Variants in RPA3 observed in about 807,000 individuals in gnomAD.
RPA3 encodes the protein replication protein A 14 kDa subunit.
A neutral mutation model predicts 13.7 loss-of-function variants in RPA3; 24 were observed. That is an observed-to-expected ratio of 1.75 (90% CI 1.27 to 2.46). The LOEUF (loss-of-function observed/expected upper bound fraction) is 2.46, where lower values mean the gene tolerates loss of function less well. Ranked by LOEUF, RPA3 falls within the 30% of genes most tolerant of loss-of-function variation. RPA3 has a pLI of 0.00. For missense variants in RPA3, 183 were observed against 151.0 expected, an observed-to-expected ratio of 1.21 and a Z score of -1.11; for synonymous variants, 59 against 51.2, an observed-to-expected ratio of 1.15 and a Z score of -0.65.
At chr7:7,693,965 G>C (rs985559084) in intron 2 of RPA3, among the ~76,000 whole-genome samples, 3 of 151,924 alleles carry the variant, frequency 2.0e-5, no homozygotes, top group Non-Finnish European at 4.4e-5. Context: ...CTCTCTTTTT[G>C]TTGCCATTAT....
Position 7,640,440 on chromosome 7 carries a change from C to T in RPA3, c.-22G>A. On this transcript the variant is annotated 5_prime_UTR_variant, in exon 5 of 8. Coordinates refer to ENST00000223129, the MANE Select transcript of RPA3 (RefSeq NM_002947.5). ...CCATGATTATGGTCCAAGACTGCGG[C>T]TGGCGGGAAACCCACGGACGACTGA... The T allele has an allele frequency of 6.2e-7, 1 of 1,611,180 alleles. No homozygotes were observed. The highest frequency in any genetic ancestry group is 8.5e-7 in the Non-Finnish European group (1 of 1,178,120).
At chr7:7,668,081 T>C (rs1381361356) in intron 4 of RPA3, among the ~76,000 whole-genome samples, 1 of 151,888 alleles carries the variant, frequency 6.6e-6, no homozygotes, top group Admixed American at 6.6e-5. Flanking sequence ...CACAGCTGGC[T>C]AATTTTTTTT....
chr7:7,678,522 ATATT>A (rs1327228941), intron 4 of RPA3, among the ~76,000 whole-genome samples: 8 of 140,732 alleles, frequency 5.7e-5, no homozygotes. Context: ...ATAGATAAAT[ATATT>A]TATATACTTA....
chr7:7,659,613 T>G (rs886702905), intron 4 of RPA3, among the ~76,000 whole-genome samples: 1 of 152,198 alleles, frequency 6.6e-6, no homozygotes, highest in Non-Finnish European at 1.5e-5. Context: ...AGTTGTGCAG[T>G]TTTGAGTGAG....
In RPA3 at chr7:7,637,981, C is replaced by A. The variant is rs371912199; in HGVS notation, c.175-9G>T. On this transcript the variant is annotated splice_polypyrimidine_tract_variant and intron_variant, in intron 6 of 7. Transcript: ENST00000223129. Reference sequence around the variant, plus strand: ...GAGATTTCTTCATCAAGCTAAGACACAGAACAAGACATCGATTTGGTGATA... The same window carrying A: ...GAGATTTCTTCATCAAGCTAAGACAAAGAACAAGACATCGATTTGGTGATA... 7.6e-5 allele frequency: 121 copies of A among 1,601,970 alleles called. 1 individual carries two copies. In the South Asian group the frequency reaches 1.1e-3, roughly 14 times the overall value.
intron 4 of RPA3, among the ~76,000 whole-genome samples, chr7:7,646,871 G>C (rs899063098): frequency 3.9e-5 from 6 of 152,160 alleles, no homozygotes; most frequent in African/African-American, 1.2e-4. Context: ...GGTTTATATG[G>C]GCACAGAATA....
At chr7:7,692,899 G>T (rs986518620) in intron 2 of RPA3, among the ~76,000 whole-genome samples, 2 of 152,160 alleles carry the variant, frequency 1.3e-5, no homozygotes, top group African/African-American at 4.8e-5. Flanking sequence ...GAGCCACCGT[G>T]CCTGGCCAAA....
chr7:7,712,870 T>G (rs1029827020), intron 2 of RPA3, among the ~76,000 whole-genome samples: 9 of 151,876 alleles, frequency 5.9e-5, no homozygotes, highest in African/African-American at 1.9e-4. Flanking sequence ...AGGCATAGAG[T>G]GTTGTTAGAA....
intron 2 of RPA3, among the ~76,000 whole-genome samples, chr7:7,709,054 A>G (rs948794311): frequency 1.3e-5 from 2 of 152,088 alleles, no homozygotes; most frequent in African/African-American, 2.4e-5. Context: ...AAAAATACCA[A>G]TTAACTACTT....
intron 2 of RPA3, among the ~76,000 whole-genome samples, chr7:7,697,500 AAT>A (rs1780349771): frequency 6.6e-6 from 1 of 152,220 alleles, no homozygotes; most frequent in Non-Finnish European, 1.5e-5. Context: ...TTCATTTTGA[AAT>A]ATGATTGTGG....
intron 1 of RPA3, among the ~76,000 whole-genome samples, 164 bp downstream of exon 1, chr7:7,718,351 G>C (rs898456383): frequency 2.6e-5 from 4 of 152,192 alleles, no homozygotes; most frequent in African/African-American, 9.7e-5. Flanking sequence ...GGCATGGGTT[G>C]TCTGTTCTTA....
At chr7:7,694,262 G>A (rs1325200695) in intron 2 of RPA3, among the ~76,000 whole-genome samples, 4 of 151,756 alleles carry the variant, frequency 2.6e-5, no homozygotes, top group East Asian at 3.9e-4. Context: ...TATATAGTAG[G>A]TATATATATT....
chr7:7,651,830 C>T (rs912624546), intron 4 of RPA3, among the ~76,000 whole-genome samples: 6 of 152,224 alleles, frequency 3.9e-5, no homozygotes, highest in African/African-American at 1.4e-4. Context: ...GAGCAGTTTA[C>T]AGTTCTTTGA....
intron 2 of RPA3, among the ~76,000 whole-genome samples, chr7:7,702,735 T>C (rs1177012329): frequency 6.6e-6 from 1 of 152,196 alleles, no homozygotes; most frequent in Non-Finnish European, 1.5e-5. Context: ...TGAAATGTGC[T>C]CCGGTGAGTA....
chr7:7,647,496 TTC>T (rs1357125267), intron 4 of RPA3, among the ~76,000 whole-genome samples: 1 of 152,236 alleles, frequency 6.6e-6, no homozygotes, highest in Non-Finnish European at 1.5e-5. Context: ...GTTCACATAA[TTC>T]TGTTTTCTTT....
chr7:7,650,703 T>C (rs1351840864), intron 4 of RPA3, among the ~76,000 whole-genome samples: 3 of 152,266 alleles, frequency 2.0e-5, no homozygotes, highest in African/African-American at 7.2e-5. Context: ...AAACGCACCT[T>C]GATTTACTAA....
chr7:7,652,938 A>T (rs961895164), intron 4 of RPA3, among the ~76,000 whole-genome samples: 2 of 152,216 alleles, frequency 1.3e-5, no homozygotes, highest in Non-Finnish European at 2.9e-5. Context: ...GAGCAAATAG[A>T]ATATTTTAAA....
chr7:7,714,896 CTGTTGTACCA>C (rs1324970489), intron 2 of RPA3, among the ~76,000 whole-genome samples: 4 of 145,686 alleles, frequency 2.7e-5, no homozygotes, highest in Non-Finnish European at 6.0e-5. Context: ...ACTTGCAGAC[CTGTTGTACCA>C]TGTGGTTGAA....
At chr7:7,679,705 T>C (rs1779856354) in intron 4 of RPA3, among the ~76,000 whole-genome samples, 1 of 133,476 alleles carries the variant, frequency 7.5e-6, no homozygotes, top group Non-Finnish European at 1.5e-5. Flanking sequence ...ATTTAATTTA[T>C]AGATAAATAT....
Sources: gnomAD v4.1 joint callset for allele counts (sites outside exome capture counted in the v4.1 genomes callset) on GRCh38, gnomAD v4.1.1 for gene constraint, MANE v1.5 for transcripts, NCBI Gene and HGNC (gene_info 2026-07-23, HGNC 2026-07-21) for gene names.